SFMBT1: variants seen among roughly 807,000 people sequenced by gnomAD.
The protein encoded by SFMBT1 is scm-like with four MBT domains protein 1.
SFMBT1 carries 32 observed loss-of-function variants against 108.7 expected under a neutral mutation model. The ratio of observed to expected loss-of-function variants is 0.29; its 90% CI spans 0.22 to 0.40. SFMBT1 has a LOEUF of 0.40. Ranked by LOEUF, SFMBT1 falls within the 10% of genes least tolerant of loss-of-function variation. The probability of loss-of-function intolerance (pLI) is 1.00; values close to 1 mark genes in which losing one functional copy is unlikely to be tolerated. For missense variants in SFMBT1, 816 were observed against 1,059.6 expected (o/e 0.77, Z 3.19); for synonymous variants, 348 against 369.5 (o/e 0.94, Z 0.67).
intron 3 of SFMBT1, among the ~76,000 whole-genome samples, chr3:52,945,817 AAAAAAAAG>A (rs1703348008): frequency 1.3e-5 from 2 of 152,032 alleles, no homozygotes; most frequent in African/African-American, 2.4e-5. Flanking sequence ...TCTCAAAAAA[AAAAAAAAG>A]AAAAAAAGAG....
chr3:52,937,951 TCTC>T lies in SFMBT1; in HGVS notation c.365-3053_365-3051del, dbSNP rs567520572. On this transcript the variant is annotated intron_variant, in intron 4 of 20. Transcript: ENST00000394752. ...CATTTGTATCATCATATCCTTGAGC[TCTC>T]CTCCTCCTCAAGTCTGTACACATTT... 6.7e-4 allele frequency among the ~76,000 whole-genome samples: 102 copies of T among 152,200 alleles called. 1 individual carries two copies. In the South Asian group the frequency reaches 0.016, roughly 23 times the overall value.
In SFMBT1 at chr3:52,918,511, T is replaced by C; in HGVS notation, c.1388A>G (p.Lys463Arg). 6.4e-7 allele frequency: 1 copy of C among 1,563,256 alleles called. No individual in the cohort carries two copies. Among genetic ancestry groups the C allele is most frequent in the Non-Finnish European group, 8.6e-7 (1 of 1,161,010 alleles). ...PRRARVYKQR[K>R]IAVVQPEKQV... ...TTTTTCTGGCTGAACCACTGCAATT[T>C]TCCTCTGTTTATATACTGTAGAAAG... The change falls in exon 13 of 21, where the codon AAA (lysine) becomes AGA (arginine). Residue 463 changes from lysine to arginine, a missense_variant. Lys to Arg is a conservative substitution (Grantham distance 26). Around this residue, in one of 5 missense-constraint regions of SFMBT1, gnomAD observed 495 missense variants for 607.4 expected, o/e 0.81. Transcript: ENST00000394752.
chr3:52,920,528 G>A lies in SFMBT1; in HGVS notation c.1372+9C>T, dbSNP rs754959989. The A allele has an allele frequency of 1.9e-6, 3 of 1,602,192 alleles. No individual in the cohort carries two copies. The highest frequency in any genetic ancestry group is 3.4e-5 in the Admixed American group (2 of 59,516). On this transcript the variant is annotated intron_variant, in intron 12 of 20. Coordinates refer to ENST00000394752, the MANE Select transcript of SFMBT1 (RefSeq NM_016329.4). ...CAATCAATCCTCTAACCCAGAAATA[G>A]ACAGATACCTCGTGCTCGGCGAGGA...
At chr3:53,026,835 T>A (rs1699508248) in intron 1 of SFMBT1, among the ~76,000 whole-genome samples, 2 of 152,168 alleles carry the variant, frequency 1.3e-5, no homozygotes, top group Non-Finnish European at 1.5e-5. Flanking sequence ...TTTTGCCCTG[T>A]CCCTGGAGAG....
At chr3:53,016,254 C>T (rs1313039139) in intron 1 of SFMBT1, among the ~76,000 whole-genome samples, 3 of 152,150 alleles carry the variant, frequency 2.0e-5, no homozygotes, top group Admixed American at 2.0e-4. Context: ...GACACTACTA[C>T]ACTCTCTGAG....
intron 3 of SFMBT1, among the ~76,000 whole-genome samples, chr3:52,946,442 A>G (rs1404583397): frequency 6.6e-6 from 1 of 152,226 alleles, no homozygotes; most frequent in Non-Finnish European, 1.5e-5. Context: ...TGCGGTATGA[A>G]TATTTTTTGA....
chr3:52,982,710 C>A (rs563584632), intron 1 of SFMBT1, among the ~76,000 whole-genome samples: 4 of 107,664 alleles, frequency 3.7e-5, no homozygotes, highest in East Asian at 5.5e-4. Flanking sequence ...GCCTGGGCGA[C>A]AGAGCAAGAC....
chr3:53,029,034 A>G (rs908517258), intron 1 of SFMBT1, among the ~76,000 whole-genome samples: 3 of 152,024 alleles, frequency 2.0e-5, no homozygotes, highest in Non-Finnish European at 2.9e-5. Flanking sequence ...TTAGCCAGGC[A>G]TGGTGGCGGG....
intron 1 of SFMBT1, among the ~76,000 whole-genome samples, chr3:53,025,061 T>G (rs925788992): frequency 6.6e-6 from 1 of 152,180 alleles, no homozygotes; most frequent in Non-Finnish European, 1.5e-5. Flanking sequence ...TATATAAGTA[T>G]TATAGAAACA....
intron 13 of SFMBT1, among the ~76,000 whole-genome samples, chr3:52,917,166 C>T (rs898867710): frequency 6.6e-6 from 1 of 152,172 alleles, no homozygotes; most frequent in African/African-American, 2.4e-5. Context: ...TTTCTCTCCA[C>T]TTCTGTTGTT....
rs1409424279 is a variant in SFMBT1 at position 52,969,241 on chromosome 3, C to T, written c.-113G>A. 2.1e-5 allele frequency: 33 copies of T among 1,547,100 alleles called. No homozygotes were observed. Among genetic ancestry groups the T allele is most frequent in the Non-Finnish European group, 2.3e-5 (27 of 1,152,330 alleles). ...CAAGCATCTGTTCAATGGGTATCCA[C>T]GGGTCCAAATGAAAGTGCTGAAAAA... On this transcript the variant is annotated 5_prime_UTR_variant, in exon 2 of 21. In the 5' UTR this introduces an upstream ATG that the reference lacks. Transcript: ENST00000394752.
At chr3:52,967,443 TTTG>T (rs1286956880) in intron 2 of SFMBT1, among the ~76,000 whole-genome samples, 5 of 151,996 alleles carry the variant, frequency 3.3e-5, no homozygotes, top group African/African-American at 1.2e-4. Context: ...TGGCTAATGG[TTTG>T]TTGTGATGGA....
At chr3:52,918,574 A>T in intron 12 of SFMBT1, 48 bp from the exon 13 acceptor site, 1 of 1,298,106 alleles carries the variant, frequency 7.7e-7, no homozygotes, top group Non-Finnish European at 1.1e-6. Flanking sequence ...TAAAAAGACA[A>T]AGGAAAATTC....
At chr3:53,028,707 A>G (rs915936971) in intron 1 of SFMBT1, among the ~76,000 whole-genome samples, 1 of 152,158 alleles carries the variant, frequency 6.6e-6, no homozygotes, top group African/African-American at 2.4e-5. Flanking sequence ...TACCTGCTAG[A>G]ACACAGAATA....
chr3:52,981,461 C>A (rs1704708367), intron 1 of SFMBT1, among the ~76,000 whole-genome samples: 1 of 151,736 alleles, frequency 6.6e-6, no homozygotes, highest in African/African-American at 2.4e-5. Flanking sequence ...TTCCTAGGCT[C>A]AAGCAATCCT....
intron 1 of SFMBT1, among the ~76,000 whole-genome samples, chr3:53,038,676 AT>A (rs1340461188): frequency 1.3e-5 from 2 of 152,230 alleles, no homozygotes; most frequent in Non-Finnish European, 2.9e-5. Flanking sequence ...GGACATCTAT[AT>A]TTCACAAATA....
chr3:52,961,337 G>A lies in SFMBT1; in HGVS notation c.29-6926C>T, dbSNP rs114688582. Among the ~76,000 whole-genome samples, 449 of 152,284 alleles carry A rather than the reference G, an allele frequency of 2.9e-3. 1 individual carries two copies. Among genetic ancestry groups the A allele is most frequent in the African/African-American group, 0.01 (431 of 41,560 alleles). ...ACAGGTATACCTTTCCATTTGGAAA[G>A]ATAAGGAGATGGATGGCAGTGATTA... On this transcript the variant is annotated intron_variant, in intron 2 of 20. Coordinates refer to ENST00000394752, the MANE Select transcript of SFMBT1 (RefSeq NM_016329.4).
intron 1 of SFMBT1, among the ~76,000 whole-genome samples, chr3:53,027,297 C>G (rs1699526668): frequency 6.6e-6 from 1 of 152,176 alleles, no homozygotes; most frequent in Admixed American, 6.5e-5. Flanking sequence ...TTCCCCCACC[C>G]CCGTTAAAAC....
chr3:53,024,732 C>T (rs1699429580), intron 1 of SFMBT1, among the ~76,000 whole-genome samples: 1 of 152,168 alleles, frequency 6.6e-6, no homozygotes, highest in Non-Finnish European at 1.5e-5. Flanking sequence ...CCCATCTGGG[C>T]CTTAAAAAGT....
Sources: gnomAD v4.1 joint callset for allele counts (sites outside exome capture counted in the v4.1 genomes callset) on GRCh38, gnomAD v4.1.1 for gene constraint, gnomAD v4.1.1 regional missense constraint, MANE v1.5 for transcripts, NCBI Gene and HGNC (gene_info 2026-07-23, HGNC 2026-07-21) for gene names.